Variants in EP300 observed in about 807,000 individuals in gnomAD.
EP300 encodes the protein EP300 lysine acetyltransferase.
EP300 carries 31 observed loss-of-function variants against 264.0 expected under a neutral mutation model. The observed-to-expected ratio is 0.12, with a 90% confidence interval of 0.09 to 0.16. EP300 has a LOEUF of 0.16. Among genes scored for constraint, EP300 ranks in the 10% least tolerant of loss-of-function variants. The pLI is 1.00. For synonymous variants in EP300, 1,340 were observed against 1,045.4 expected (o/e 1.28, Z -5.44); for missense variants, 2,766 against 3,052.9 (o/e 0.91, Z 2.21).
At chr22:41,112,312 C>T (rs1254512770) in intron 1 of EP300, among the ~76,000 whole-genome samples, 1 of 152,086 alleles carries the variant, frequency 6.6e-6, no homozygotes, top group Non-Finnish European at 1.5e-5. Flanking sequence ...GCTTCAGCCT[C>T]CCAAGTAGCT....
chr22:41,152,370 C>A lies in EP300; in HGVS notation c.3142+20C>A, dbSNP rs763828488. ...AAAAGAGTGAGTCTCTGAAGCCATT[C>A]GTTCTGGAGGTAGCTGAAGAAACCA... On this transcript the variant is annotated intron_variant, in intron 16 of 30. Coordinates refer to ENST00000263253, the MANE Select transcript of EP300 (RefSeq NM_001429.4). 6.2e-7 allele frequency: 1 copy of A among 1,607,236 alleles called. No individual in the cohort carries two copies. Among genetic ancestry groups the A allele is most frequent in the East Asian group, 2.2e-5 (1 of 44,834 alleles).
rs1481692627 is a variant in EP300 at position 41,146,780 on chromosome 22, C to G, written c.2095C>G (p.Pro699Ala). 1 of 1,614,120 alleles carries G rather than the reference C, an allele frequency of 6.2e-7. No individual in the cohort carries two copies. Among genetic ancestry groups the G allele is most frequent in the Non-Finnish European group, 8.5e-7 (1 of 1,180,010 alleles). The change falls in exon 11 of 31, where the codon CCA becomes GCA. Residue 699 changes from proline to alanine, a missense_variant. Transcript: ENST00000263253. ...PDPSMIRGSV[P>A]NQMMPRITPQ... ...CCCAAGTATGATCCGTGGCAGTGTGCCAAACCAGATGATGCCTCGAATAAC... is the reference window on the plus strand; with the variant it reads ...CCCAAGTATGATCCGTGGCAGTGTGGCAAACCAGATGATGCCTCGAATAAC...
At chr22:41,124,372 C>T (rs752123373) in intron 2 of EP300, among the ~76,000 whole-genome samples, 4 of 152,252 alleles carry the variant, frequency 2.6e-5, no homozygotes, top group East Asian at 1.9e-4. Flanking sequence ...TCTGGACTTC[C>T]GCATGCTCTA....
chr22:41,150,622 T>C (rs888998954), intron 14 of EP300, among the ~76,000 whole-genome samples: 5 of 151,982 alleles, frequency 3.3e-5, no homozygotes, highest in Admixed American at 6.6e-5. Context: ...GGCGCGGTGG[T>C]GTACACTTTT....
Position 41,173,689 on chromosome 22 carries a change from A to T in EP300, c.4684A>T (p.Ser1562Cys). ...TAAGAAAACCAGCAAAAATAAGAGCAGCCTGAGTAGGGGCAACAAGAAGAA... is the reference window on the plus strand; with the variant it reads ...TAAGAAAACCAGCAAAAATAAGAGCTGCCTGAGTAGGGGCAACAAGAAGAA... ...NNKKTSKNKS[S>C]LSRGNKKKPG... Residue 1562 changes from serine (S) to cysteine (C), a missense_variant, in exon 29 of 31, where the codon AGC (serine) becomes TGC (cysteine). Transcript: ENST00000263253. 6.2e-7 allele frequency: 1 copy of T among 1,614,232 alleles called. No individual in the cohort carries two copies. Among genetic ancestry groups the T allele is most frequent in the Non-Finnish European group, 8.5e-7 (1 of 1,180,046 alleles).
intron 7 of EP300, among the ~76,000 whole-genome samples, chr22:41,136,353 G>A (rs1224197051): frequency 6.6e-6 from 1 of 152,182 alleles, no homozygotes. Context: ...AGCCTTAATC[G>A]AAATTGTATT....
chr22:41,135,615 T>C (rs1232548682), intron 6 of EP300, among the ~76,000 whole-genome samples, 198 bp from the exon 7 acceptor site: 1 of 152,152 alleles, frequency 6.6e-6, no homozygotes, highest in East Asian at 1.9e-4. Flanking sequence ...TGTTGGGTGC[T>C]TCATCTTTTT....
In EP300 at chr22:41,093,056, C is replaced by T. The variant is rs777392825; in HGVS notation, c.52C>T (p.Leu18Phe). Residue 18 changes from leucine to phenylalanine, a missense_variant, in exon 1 of 31, where the codon CTC becomes TTC. Transcript: ENST00000263253. ...PGPPSAKRPK[L>F]SSPALSASAS... ...GCCGCCTTCAGCCAAGCGGCCTAAA[C>T]TCTCATCTCCGGCCCTCTCGGCGTC... 1.2e-6 allele frequency: 2 copies of T among 1,614,144 alleles called. No homozygotes were observed. Among genetic ancestry groups the T allele is most frequent in the Non-Finnish European group, 1.7e-6 (2 of 1,180,038 alleles).
intron 12 of EP300, among the ~76,000 whole-genome samples, chr22:41,148,600 G>C (rs1170598575): frequency 1.3e-5 from 2 of 152,152 alleles, no homozygotes; most frequent in Non-Finnish European, 2.9e-5. Context: ...GACCATGAAT[G>C]CTACCAGATT....
chr22:41,131,761 C>A, intron 6 of EP300, 128 bp downstream of exon 6: 1 of 1,408,344 alleles, frequency 7.1e-7, no homozygotes, highest in Non-Finnish European at 9.8e-7. Context: ...TTAAAGATTA[C>A]AGTGTAAAAG....
At chr22:41,115,534 G>A (rs1414533441) in intron 1 of EP300, among the ~76,000 whole-genome samples, 1 of 152,200 alleles carries the variant, frequency 6.6e-6, no homozygotes, top group Non-Finnish European at 1.5e-5. Context: ...CTGGACTCAA[G>A]TAATCCTCCC....
At chr22:41,137,567 AT>A in intron 7 of EP300, 85 bp from the exon 8 acceptor site, 1 of 1,552,152 alleles carries the variant, frequency 6.4e-7, no homozygotes, top group Non-Finnish European at 8.9e-7. Flanking sequence ...TATTGATTCC[AT>A]TACAATAATC....
Position 41,165,596 on chromosome 22 carries a change from G to T in EP300, c.3807-1003G>T, listed in dbSNP as rs1334313661. Among the ~76,000 whole-genome samples the T allele has an allele frequency of 3.3e-5, 5 of 152,036 alleles. No homozygotes were observed. In the South Asian group the frequency reaches 6.2e-4, roughly 19 times the overall value. ...GTGCCACCATGCCCGGCTAATTTTT[G>T]TATTTTGGTAGAGACAGGGTTTCAT... On this transcript the variant is annotated intron_variant, in intron 22 of 30. Transcript: ENST00000263253.
At chr22:41,123,506 G>C (rs1372656512) in intron 2 of EP300, among the ~76,000 whole-genome samples, 1 of 152,220 alleles carries the variant, frequency 6.6e-6, no homozygotes, top group Non-Finnish European at 1.5e-5. Flanking sequence ...TGATAGGTTT[G>C]AGTTAAGACA....
intron 29 of EP300, chr22:41,174,481 C>T (rs1251976723): frequency 6.6e-6 from 1 of 152,304 alleles, no homozygotes; most frequent in East Asian, 1.9e-4. Flanking sequence ...TAAACTTCCA[C>T]ATATGGACTT....
At chr22:41,166,901 G>C (rs1373979466) in intron 23 of EP300, among the ~76,000 whole-genome samples, 1 of 152,132 alleles carries the variant, frequency 6.6e-6, no homozygotes, top group African/African-American at 2.4e-5. Context: ...TGTTTTTCCT[G>C]TTCCTATATT....
intron 23 of EP300, among the ~76,000 whole-genome samples, chr22:41,167,584 G>GTGTGTATATA (rs869093144): frequency 2.3e-4 from 8 of 34,486 alleles, no homozygotes; most frequent in Non-Finnish European, 3.4e-4. Context: ...GTGTGTGTGT[G>GTGTGTATATA]TATATATATA....
chr22:41,169,661 C>A (rs758126425), intron 26 of EP300, 45 bp downstream of exon 26: 1 of 1,131,418 alleles, frequency 8.8e-7, no homozygotes, highest in Non-Finnish European at 1.3e-6. Context: ...ACTAGCATGG[C>A]ATTCTGGTGA....
chr22:41,126,100 T>C (rs2058880883), intron 3 of EP300, 60 bp downstream of exon 3: 5 of 1,558,482 alleles, frequency 3.2e-6, no homozygotes, highest in Non-Finnish European at 4.4e-6. Context: ...AAGAATTGTG[T>C]TAAACTTTCA....
Sources: gnomAD v4.1 joint callset for allele counts (sites outside exome capture counted in the v4.1 genomes callset) on GRCh38, gnomAD v4.1.1 for gene constraint, MANE v1.5 for transcripts, NCBI Gene and HGNC (gene_info 2026-07-23, HGNC 2026-07-21) for gene names.